EXOC6B: variants seen among roughly 807,000 people sequenced by gnomAD.
EXOC6B encodes exocyst complex component 6B.
EXOC6B carries 54 observed loss-of-function variants against 113.5 expected under a neutral mutation model. The observed-to-expected ratio is 0.48, with a 90% CI of 0.38 to 0.60. The LOEUF (loss-of-function observed/expected upper bound fraction) is 0.60, where lower values mean the gene tolerates loss of function less well. Among genes scored for constraint, EXOC6B ranks in the 20% least tolerant of loss-of-function variants. The probability of loss-of-function intolerance (pLI) is 0.00; values close to 1 mark genes in which losing one functional copy is unlikely to be tolerated. For synonymous variants in EXOC6B, 357 were observed against 339.0 expected (o/e 1.05, Z -0.58); for missense variants, 797 against 977.5 (o/e 0.82, Z 2.46).
At chr2:72,472,929 T>C (rs1045737592) in intron 17 of EXOC6B, among the ~76,000 whole-genome samples, 4 of 152,334 alleles carry the variant, frequency 2.6e-5, no homozygotes, top group African/African-American at 9.6e-5. Flanking sequence ...AATTTCTTCA[T>C]TGAACCAATG....
At chr2:72,477,695 C>G (rs956342110) in intron 17 of EXOC6B, among the ~76,000 whole-genome samples, 1 of 152,188 alleles carries the variant, frequency 6.6e-6, no homozygotes, top group African/African-American at 2.4e-5. Flanking sequence ...TAATTTAACT[C>G]CTGAATACTT....
chr2:72,211,399 C>A (rs1229051297), intron 20 of EXOC6B, among the ~76,000 whole-genome samples: 1 of 152,154 alleles, frequency 6.6e-6, no homozygotes, highest in East Asian at 1.9e-4. Context: ...TACTGTCAGG[C>A]AAAGGAAAGC....
intron 20 of EXOC6B, among the ~76,000 whole-genome samples, chr2:72,264,341 C>T (rs972191057): frequency 3.3e-5 from 5 of 152,040 alleles, no homozygotes; most frequent in Admixed American, 2.0e-4. Flanking sequence ...GAGACCGAGG[C>T]GGGCAGATCA....
intron 6 of EXOC6B, among the ~76,000 whole-genome samples, chr2:72,637,475 T>A (rs1248410354): frequency 1.3e-5 from 2 of 152,080 alleles, no homozygotes; most frequent in Non-Finnish European, 2.9e-5. Flanking sequence ...GCAAAGGACA[T>A]GAACAGAACC....
chr2:72,240,342 T>C (rs1021941331), intron 20 of EXOC6B, among the ~76,000 whole-genome samples: 1 of 152,078 alleles, frequency 6.6e-6, no homozygotes, highest in African/African-American at 2.4e-5. Context: ...AACAATACAA[T>C]ATATCCAAAC....
chr2:72,713,035 A>T (rs965640978), intron 6 of EXOC6B, among the ~76,000 whole-genome samples: 2 of 152,240 alleles, frequency 1.3e-5, no homozygotes, highest in South Asian at 4.1e-4. Context: ...AACAACAAAC[A>T]GTTTGAGATT....
At chr2:72,669,207 A>G (rs2104486339) in intron 6 of EXOC6B, among the ~76,000 whole-genome samples, 1 of 152,186 alleles carries the variant, frequency 6.6e-6, no homozygotes, top group African/African-American at 2.4e-5. Flanking sequence ...CCAGTATCTC[A>G]AGAACAAGAC....
chr2:72,525,823 G>A (rs894995285), intron 8 of EXOC6B, among the ~76,000 whole-genome samples: 1 of 152,018 alleles, frequency 6.6e-6, no homozygotes, highest in Non-Finnish European at 1.5e-5. Context: ...ACAACTAAGG[G>A]TATGTGAGAA....
chr2:72,339,141 A>G (rs1318988659), intron 19 of EXOC6B, among the ~76,000 whole-genome samples: 1 of 152,042 alleles, frequency 6.6e-6, no homozygotes, highest in Non-Finnish European at 1.5e-5. Flanking sequence ...CACATGAGAG[A>G]GGGGCAAGAG....
intron 20 of EXOC6B, among the ~76,000 whole-genome samples, chr2:72,276,860 C>G (rs1558513633): frequency 6.6e-6 from 1 of 152,170 alleles, no homozygotes; most frequent in African/African-American, 2.4e-5. Flanking sequence ...CTTACCTCAA[C>G]TTGCTTTAAG....
chr2:72,213,253 G>A (rs1156655469), intron 20 of EXOC6B, among the ~76,000 whole-genome samples: 2 of 152,228 alleles, frequency 1.3e-5, no homozygotes, highest in African/African-American at 2.4e-5. Context: ...GCAACCTCAT[G>A]AGAGATGCTA....
intron 6 of EXOC6B, among the ~76,000 whole-genome samples, chr2:72,629,253 G>A (rs747732240): frequency 6.6e-6 from 1 of 152,044 alleles, no homozygotes; most frequent in Non-Finnish European, 1.5e-5. Flanking sequence ...CTATCACCTC[G>A]CTCATCCAGA....
intron 20 of EXOC6B, among the ~76,000 whole-genome samples, chr2:72,304,666 A>T (rs1196243487): frequency 6.6e-6 from 1 of 152,236 alleles, no homozygotes; most frequent in Non-Finnish European, 1.5e-5. Flanking sequence ...GTCAACTCAA[A>T]GATCAACCTC....
At chr2:72,807,965 G>T (rs995751561) in intron 1 of EXOC6B, among the ~76,000 whole-genome samples, 4 of 152,162 alleles carry the variant, frequency 2.6e-5, no homozygotes, top group African/African-American at 9.7e-5. Context: ...TAACTGGATT[G>T]TCTGTAACAC....
intron 7 of EXOC6B, among the ~76,000 whole-genome samples, chr2:72,566,060 C>G (rs1704161676): frequency 6.6e-6 from 1 of 151,774 alleles, no homozygotes; most frequent in Non-Finnish European, 1.5e-5. Flanking sequence ...AAAATTCACT[C>G]TTTCTAGTAA....
chr2:72,818,210 T>G (rs1686378729), intron 1 of EXOC6B, among the ~76,000 whole-genome samples: 1 of 152,052 alleles, frequency 6.6e-6, no homozygotes, highest in Admixed American at 6.5e-5. Context: ...AGTAGCGCGA[T>G]CTCGGCTCAC....
chr2:72,720,831 C>A (rs1679952706), intron 5 of EXOC6B, among the ~76,000 whole-genome samples: 1 of 150,894 alleles, frequency 6.6e-6, no homozygotes. Flanking sequence ...GACTTTAAGC[C>A]AACAAATATT....
intron 8 of EXOC6B, 25 bp from the exon 9 acceptor site, chr2:72,515,151 G>C: frequency 1.9e-6 from 3 of 1,567,432 alleles, no homozygotes. Context: ...AAGAAAATGG[G>C]TTGACACAAT....
chr2:72,592,842 T>C (rs2103944034), intron 6 of EXOC6B, among the ~76,000 whole-genome samples: 1 of 152,248 alleles, frequency 6.6e-6, no homozygotes, highest in East Asian at 1.9e-4. Flanking sequence ...GTGTCCTTTT[T>C]ATTCATAAGC....
Sources: gnomAD v4.1 joint callset for allele counts (sites outside exome capture counted in the v4.1 genomes callset) on GRCh38, gnomAD v4.1.1 for gene constraint, MANE v1.5 for transcripts, NCBI Gene and HGNC (gene_info 2026-07-23, HGNC 2026-07-21) for gene names.